KIF1B: variants seen among roughly 807,000 people sequenced by gnomAD.
The protein encoded by KIF1B is kinesin-like protein KIF1B.
Under a neutral mutation model 241.9 loss-of-function variants are expected in KIF1B, and 76 were observed. The ratio of observed to expected loss-of-function variants is 0.31; its 90% confidence interval spans 0.26 to 0.38. The LOEUF (loss-of-function observed/expected upper bound fraction) is 0.38. KIF1B is among the 10% of genes least tolerant of loss of function. The pLI, the probability that KIF1B is intolerant of heterozygous loss-of-function variation, is 1.00. For missense variants in KIF1B, 1,622 were observed against 2,271.4 expected (o/e 0.71, Z 5.81); for synonymous variants, 750 against 796.7 (o/e 0.94, Z 0.99).
At chr1:10,315,048 AAAC>A in intron 22 of KIF1B, among the ~76,000 whole-genome samples, 1 of 151,466 alleles carries the variant, frequency 6.6e-6, no homozygotes, top group Non-Finnish European at 1.5e-5. Context: ...GCTGAAAAAA[AAAC>A]TATAATGAAC....
At chr1:10,331,478 T>C (rs12734551) in intron 27 of KIF1B, among the ~76,000 whole-genome samples, 1 of 152,126 alleles carries the variant, frequency 6.6e-6, no homozygotes, top group South Asian at 2.1e-4. Context: ...TTCATCTGAT[T>C]TAATGTTCAT....
chr1:10,376,729 A>T lies in KIF1B; in HGVS notation c.*142A>T. 1 of 830,156 alleles carries T rather than the reference A, an allele frequency of 1.2e-6. No homozygotes were observed. Among genetic ancestry groups the T allele is most frequent in the East Asian group, 2.5e-5 (1 of 39,498 alleles). The allele number at this position is 830,156 out of a possible 1,614,324, so 51.4% of individuals were successfully genotyped here. On this transcript the variant is annotated 3_prime_UTR_variant, in exon 49 of 49. Coordinates refer to ENST00000676179, the MANE Select transcript of KIF1B (RefSeq NM_001365951.3). ...CTCCCTCCTTGTCCAGCACTTTTCT[A>T]GCTCTCCCGTTCCCCATCTCCATTG...
chr1:10,346,468 G>A lies in KIF1B; in HGVS notation c.3797+515G>A, dbSNP rs185169718. ...CAACCTCTGCCTCCCAGGTTCAAGC[G>A]ATTCTCCTGCCTCAGCCTCCTGTGT... is the stretch of plus-strand genomic sequence containing the variant. On this transcript the variant is annotated intron_variant, in intron 35 of 48. Transcript: ENST00000676179. 7.2e-5 allele frequency among the ~76,000 whole-genome samples: 11 copies of A among 152,140 alleles called. 1 individual carries two copies. Among genetic ancestry groups the A allele is most frequent in the African/African-American group, 2.2e-4 (9 of 41,506 alleles).
chr1:10,261,727 G>A (rs1648158058), intron 4 of KIF1B, among the ~76,000 whole-genome samples, 178 bp from the exon 5 acceptor site: 1 of 152,166 alleles, frequency 6.6e-6, no homozygotes, highest in South Asian at 2.1e-4. Context: ...ACCGAATCAT[G>A]GTTATGCAGC....
At chr1:10,273,709 CAAAAAAAAAAAAAAA>C (rs56349613) in intron 10 of KIF1B, among the ~76,000 whole-genome samples, 9 of 49,584 alleles carry the variant, frequency 1.8e-4, no homozygotes, top group East Asian at 7.5e-4. Context: ...TCCTCCTCCT[CAAAAAAAAAAAAAAA>C]AAAAAAAAAA....
chr1:10,300,288 C>A (rs1457455767), intron 22 of KIF1B, among the ~76,000 whole-genome samples: 1 of 134,018 alleles, frequency 7.5e-6, no homozygotes, highest in East Asian at 2.1e-4. Context: ...ATAAAAAATT[C>A]TTTTTTTGAC....
chr1:10,334,398 GGGGT>G, intron 27 of KIF1B, 118 bp from the exon 28 acceptor site: 2 of 804,432 alleles, frequency 2.5e-6, no homozygotes, highest in Non-Finnish European at 4.4e-6. Context: ...GGACTGAGAA[GGGGT>G]CTTAAGACAA....
chr1:10,268,416 C>G (rs962140647), intron 7 of KIF1B, among the ~76,000 whole-genome samples, 153 bp downstream of exon 7: 2 of 152,032 alleles, frequency 1.3e-5, no homozygotes, highest in African/African-American at 4.8e-5. Flanking sequence ...TATCATTTTT[C>G]TTCCACCCTA....
chr1:10,279,256 A>G (rs1649280944), intron 14 of KIF1B, 118 bp downstream of exon 14: 1 of 606,908 alleles, frequency 1.6e-6, no homozygotes. Context: ...TCCCAGACAG[A>G]GCATAGTATA....
intron 1 of KIF1B, among the ~76,000 whole-genome samples, chr1:10,216,026 C>T (rs1375634520): frequency 6.6e-6 from 1 of 152,152 alleles, no homozygotes; most frequent in Non-Finnish European, 1.5e-5. Context: ...TTTCTAAGCA[C>T]TTTACGTTTA....
At chr1:10,358,802 T>A (rs998953006) in intron 38 of KIF1B, among the ~76,000 whole-genome samples, 4 of 152,186 alleles carry the variant, frequency 2.6e-5, no homozygotes, top group Non-Finnish European at 5.9e-5. Context: ...ATTAAAACTT[T>A]ACTTTACACA....
At chr1:10,350,316 T>C (rs925066708) in intron 37 of KIF1B, among the ~76,000 whole-genome samples, 4 of 151,282 alleles carry the variant, frequency 2.6e-5, no homozygotes, top group Non-Finnish European at 5.9e-5. Flanking sequence ...TCCCAGCACT[T>C]TGGGAGGCCA....
chr1:10,358,102 CAAAAAAA>C (rs541043240), intron 38 of KIF1B, among the ~76,000 whole-genome samples: 1 of 85,156 alleles, frequency 1.2e-5, no homozygotes, highest in Admixed American at 1.4e-4. Context: ...AAGTCCAAAG[CAAAAAAA>C]AAAAAAAAAG....
intron 17 of KIF1B, among the ~76,000 whole-genome samples, chr1:10,294,205 T>G (rs181627022): frequency 1.6e-4 from 25 of 152,346 alleles, no homozygotes; most frequent in Non-Finnish European, 3.1e-4. Context: ...TTATTTTCAC[T>G]AAAGAAGGTT....
intron 32 of KIF1B, among the ~76,000 whole-genome samples, chr1:10,340,783 A>T (rs2102320694): frequency 6.6e-6 from 1 of 152,352 alleles, no homozygotes; most frequent in African/African-American, 2.4e-5. Context: ...TCTCAAAAAA[A>T]ATAAAAAAGT....
At chr1:10,231,981 A>G (rs1382627663) in intron 1 of KIF1B, among the ~76,000 whole-genome samples, 1 of 152,112 alleles carries the variant, frequency 6.6e-6, no homozygotes, top group Non-Finnish European at 1.5e-5. Context: ...GAGGCCAGGC[A>G]CAGTGGTGTG....
intron 9 of KIF1B, 87 bp downstream of exon 9, chr1:10,272,393 CT>C (rs1648847456): frequency 1.2e-5 from 11 of 880,632 alleles, no homozygotes; most frequent in Non-Finnish European, 2.1e-5. Flanking sequence ...TGAAGGCTGT[CT>C]TTTTGTGGCC....
chr1:10,307,047 T>C lies in KIF1B; in HGVS notation c.2115+9801T>C, dbSNP rs903458779. 3.8e-6 allele frequency: 4 copies of C among 1,039,132 alleles called. No homozygotes were observed. In the African/African-American group the frequency reaches 6.7e-5, roughly 17 times the overall value. 64.4% of individuals were successfully genotyped at this position (1,039,132 alleles called of 1,614,324 possible). The stretch of plus-strand genomic sequence containing the variant: ...CAAAGAATTGGGTTTATATTTGTGC[T>C]TCATCTGTTAATCCCAGGTGTCCTC... On this transcript the variant is annotated intron_variant, in intron 22 of 48. Coordinates refer to ENST00000676179, the MANE Select transcript of KIF1B (RefSeq NM_001365951.3).
At chr1:10,222,128 A>G (rs4846198) in intron 1 of KIF1B, among the ~76,000 whole-genome samples, 93,849 of 152,136 alleles carry the variant, frequency 0.62, 31,534 homozygotes, top group African/African-American at 0.9. Flanking sequence ...AATCAGTCGA[A>G]TAATTTTATG....
Sources: gnomAD v4.1 joint callset for allele counts (sites outside exome capture counted in the v4.1 genomes callset) on GRCh38, gnomAD v4.1.1 for gene constraint, MANE v1.5 for transcripts, NCBI Gene and HGNC (gene_info 2026-07-23, HGNC 2026-07-21) for gene names.